PPP1R12A: variants seen among roughly 807,000 people sequenced by gnomAD.
PPP1R12A encodes protein phosphatase 1 regulatory subunit 12A.
In PPP1R12A, 19 loss-of-function variants were observed where a neutral mutation model predicts 139.6. The observed-to-expected ratio is 0.14, with a 90% CI of 0.09 to 0.20. The LOEUF (loss-of-function observed/expected upper bound fraction) is 0.20, where lower values mean the gene tolerates loss of function less well. Ranked by LOEUF, PPP1R12A falls within the 10% of genes least tolerant of loss-of-function variation. The pLI is 1.00. For missense variants in PPP1R12A, 925 were observed against 1,211.5 expected, an observed-to-expected ratio of 0.76 and a Z score of 3.51; for synonymous variants, 427 against 420.6, an observed-to-expected ratio of 1.02 and a Z score of -0.19.
At chr12:79,823,239 G>A (rs905369970) in intron 5 of PPP1R12A, among the ~76,000 whole-genome samples, 1 of 151,732 alleles carries the variant, frequency 6.6e-6, no homozygotes, top group African/African-American at 2.4e-5. Flanking sequence ...TCATTATTTA[G>A]AATACAGTCT....
intron 2 of PPP1R12A, among the ~76,000 whole-genome samples, chr12:79,863,460 C>T (rs1881583082): frequency 6.6e-6 from 1 of 151,928 alleles, no homozygotes; most frequent in Non-Finnish European, 1.5e-5. Context: ...CGAATTCACA[C>T]CTAACAATAT....
Position 79,925,555 on chromosome 12 carries a change from T to C in PPP1R12A, c.237+9140A>G, listed in dbSNP as rs376880263. 6.6e-5 allele frequency among the ~76,000 whole-genome samples: 10 copies of C among 152,332 alleles called. No homozygotes were observed. The East Asian group carries it at 1.7e-3, about 26-fold the overall frequency. The stretch of plus-strand genomic sequence containing the variant: ...ATATCTCACTTAATATACATAACAT[T>C]TAAATAGACTACTAAAAAAGTGACA... On this transcript the variant is annotated intron_variant, in intron 1 of 24. Coordinates refer to ENST00000450142, the MANE Select transcript of PPP1R12A (RefSeq NM_002480.3).
At chr12:79,835,241 C>G (rs777142344) in intron 3 of PPP1R12A, among the ~76,000 whole-genome samples, 3 of 152,102 alleles carry the variant, frequency 2.0e-5, no homozygotes, top group African/African-American at 7.2e-5. Flanking sequence ...AGCTGTCAGG[C>G]GTGACAGGCA....
chr12:79,806,328 G>A lies in PPP1R12A; in HGVS notation c.1661C>T (p.Ser554Phe), dbSNP rs569705508. 1.8e-4 allele frequency: 297 copies of A among 1,613,024 alleles called. 3 individuals carry two copies. In the East Asian group the frequency reaches 6.4e-3, roughly 35 times the overall value. The change falls in exon 13 of 25, where the codon TCC (serine) becomes TTC (phenylalanine). Residue 554 changes from serine (S) to phenylalanine (F), a missense_variant. Around this residue, in one of 4 missense-constraint regions of PPP1R12A, gnomAD observed 403 missense variants for 463.7 expected, o/e 0.87. Transcript: ENST00000450142. ...NEGSTYHKSCSFGRRQDDLIS... is the reference protein window; with the variant it reads ...NEGSTYHKSCFFGRRQDDLIS... Reference sequence around the variant, plus strand: ...CAAATCATCTTGTCTTCTACCAAAGGAGCAACTAAACAAAAGAGTCATATC... The same window carrying A: ...CAAATCATCTTGTCTTCTACCAAAGAAGCAACTAAACAAAAGAGTCATATC...
chr12:79,900,432 G>A (rs911279236), intron 1 of PPP1R12A, among the ~76,000 whole-genome samples: 13 of 152,096 alleles, frequency 8.5e-5, no homozygotes, highest in Admixed American at 2.6e-4. Flanking sequence ...GGTCCACCAC[G>A]TAATAGGCAC....
chr12:79,873,733 A>C (rs1882813251), intron 1 of PPP1R12A, among the ~76,000 whole-genome samples: 1 of 152,092 alleles, frequency 6.6e-6, no homozygotes. Context: ...GTACATATTA[A>C]ATCTTGGCCC....
intron 2 of PPP1R12A, among the ~76,000 whole-genome samples, chr12:79,847,558 T>C (rs556521109): frequency 2.6e-5 from 4 of 152,304 alleles, no homozygotes; most frequent in Admixed American, 6.5e-5. Flanking sequence ...TCAACCAATA[T>C]TTATGGAGTG....
At chr12:79,910,509 A>G (rs1886483217) in intron 1 of PPP1R12A, among the ~76,000 whole-genome samples, 1 of 151,196 alleles carries the variant, frequency 6.6e-6, no homozygotes, top group Non-Finnish European at 1.5e-5. Context: ...AGAACCTTAA[A>G]AAGTATACTT....
At chr12:79,894,176 G>T (rs976697794) in intron 1 of PPP1R12A, among the ~76,000 whole-genome samples, 3 of 152,048 alleles carry the variant, frequency 2.0e-5, no homozygotes, top group Non-Finnish European at 4.4e-5. Flanking sequence ...ATAACCAATA[G>T]CATATAATGT....
At chr12:79,852,430 A>G (rs1391061504) in intron 2 of PPP1R12A, among the ~76,000 whole-genome samples, 1 of 151,986 alleles carries the variant, frequency 6.6e-6, no homozygotes, top group Non-Finnish European at 1.5e-5. Flanking sequence ...TCCTAGACTC[A>G]GGTGATCCAC....
At chr12:79,807,623 GTATGT>G (rs1433648542) in intron 11 of PPP1R12A, among the ~76,000 whole-genome samples, 2 of 151,782 alleles carry the variant, frequency 1.3e-5, no homozygotes, top group African/African-American at 4.8e-5. Flanking sequence ...CTACTTTATA[GTATGT>G]TATGTGCCGA....
At chr12:79,861,676 G>T (rs1881336936) in intron 2 of PPP1R12A, among the ~76,000 whole-genome samples, 1 of 152,142 alleles carries the variant, frequency 6.6e-6, no homozygotes, top group South Asian at 2.1e-4. Flanking sequence ...GCTTGGCTCG[G>T]CGGGTCTCAC....
intron 20 of PPP1R12A, 56 bp from the exon 21 acceptor site, chr12:79,788,839 A>T: frequency 6.9e-7 from 1 of 1,448,042 alleles, no homozygotes; most frequent in Non-Finnish European, 9.4e-7. Flanking sequence ...CAATTATAAC[A>T]ACATACATCC....
chr12:79,904,549 T>C (rs948331708), intron 1 of PPP1R12A, among the ~76,000 whole-genome samples: 1 of 152,164 alleles, frequency 6.6e-6, no homozygotes, highest in Non-Finnish European at 1.5e-5. Context: ...AGAATATTAT[T>C]ATCATTTAAC....
At chr12:79,924,309 A>T (rs2136954914) in intron 1 of PPP1R12A, among the ~76,000 whole-genome samples, 1 of 152,326 alleles carries the variant, frequency 6.6e-6, no homozygotes, top group African/African-American at 2.4e-5. Context: ...GGAATACAGA[A>T]ATTGCTGAAT....
intron 3 of PPP1R12A, among the ~76,000 whole-genome samples, chr12:79,834,128 A>C (rs183419597): frequency 6.4e-4 from 97 of 152,108 alleles, no homozygotes; most frequent in Non-Finnish European, 1.1e-3. Context: ...TCATTTGTGA[A>C]GAAAAATAAA....
At chr12:79,798,644 C>T in intron 14 of PPP1R12A, 60 bp from the exon 15 acceptor site, 1 of 930,370 alleles carries the variant, frequency 1.1e-6, no homozygotes. Flanking sequence ...ATGTAAATAT[C>T]TATCAATGCA....
At chr12:79,890,899 ACC>A (rs139442956) in intron 1 of PPP1R12A, among the ~76,000 whole-genome samples, 8,537 of 66,626 alleles carry the variant, frequency 0.13, 358 homozygotes, top group East Asian at 0.31. Flanking sequence ...ACCCACCCAC[ACC>A]CACCCACACA....
At chr12:79,908,684 G>A (rs1334699899) in intron 1 of PPP1R12A, among the ~76,000 whole-genome samples, 2 of 152,190 alleles carry the variant, frequency 1.3e-5, no homozygotes, top group African/African-American at 2.4e-5. Context: ...TTTTAAAGAA[G>A]TTAATGGAAA....
Sources: allele counts gnomAD v4.1 joint callset (sites outside exome capture counted in the v4.1 genomes callset), GRCh38; gene constraint gnomAD v4.1.1; regional missense constraint gnomAD v4.1.1; transcripts MANE v1.5; gene names NCBI Gene and HGNC (gene_info 2026-07-23, HGNC 2026-07-21).